CSMD1: variants seen among roughly 807,000 people sequenced by gnomAD.
CSMD1 encodes CUB and Sushi multiple domains 1.
A neutral mutation model predicts 417.5 loss-of-function variants in CSMD1; 213 were observed. That is an observed-to-expected ratio of 0.51 (90% confidence interval 0.46 to 0.57). CSMD1 has a LOEUF of 0.57. Among genes scored for constraint, CSMD1 ranks in the 20% least tolerant of loss-of-function variants. The pLI is 0.00. For missense variants in CSMD1, 6,923 were observed against 4,529.7 expected (o/e 1.53, Z -15.17); for synonymous variants, 2,862 against 1,736.8 (o/e 1.65, Z -16.11).
At chr8:4,399,828 C>G (rs1182121390) in intron 3 of CSMD1, among the ~76,000 whole-genome samples, 3 of 152,162 alleles carry the variant, frequency 2.0e-5, no homozygotes, top group Admixed American at 6.5e-5. Flanking sequence ...AATAAGTTTT[C>G]TAAGCCATTA....
At chr8:4,481,202 G>T (rs910750349) in intron 2 of CSMD1, among the ~76,000 whole-genome samples, 8 of 152,194 alleles carry the variant, frequency 5.3e-5, no homozygotes, top group Non-Finnish European at 1.2e-4. Context: ...TGCTTGTTTA[G>T]CTTTACCTTC....
intron 2 of CSMD1, among the ~76,000 whole-genome samples, chr8:4,609,136 A>G (rs958231527): frequency 6.6e-6 from 1 of 152,208 alleles, no homozygotes; most frequent in East Asian, 1.9e-4. Flanking sequence ...GCGCTGGCTC[A>G]TGCATGTAAT....
At chr8:3,512,480 A>T (rs1333630363) in intron 10 of CSMD1, among the ~76,000 whole-genome samples, 2 of 152,086 alleles carry the variant, frequency 1.3e-5, no homozygotes, top group African/African-American at 4.8e-5. Context: ...GGATGCTGTA[A>T]GAGGCACTGA....
At chr8:3,328,453 C>A (rs147387964) in intron 23 of CSMD1, among the ~76,000 whole-genome samples, 5 of 152,272 alleles carry the variant, frequency 3.3e-5, no homozygotes, top group African/African-American at 9.6e-5. Context: ...GCACAGAATA[C>A]CTTACAAAAT....
chr8:3,505,146 C>T (rs1296553347), intron 10 of CSMD1, among the ~76,000 whole-genome samples: 1 of 152,002 alleles, frequency 6.6e-6, no homozygotes, highest in Non-Finnish European at 1.5e-5. Flanking sequence ...TTGAAATCTG[C>T]CCTCAGATGT....
chr8:3,581,762 G>C (rs780093127), intron 9 of CSMD1, among the ~76,000 whole-genome samples: 20 of 152,154 alleles, frequency 1.3e-4, no homozygotes, highest in Admixed American at 2.6e-4. Context: ...TAGAGGCTAA[G>C]AATGAATCAG....
intron 3 of CSMD1, among the ~76,000 whole-genome samples, chr8:4,119,493 C>A (rs2130937299): frequency 6.6e-6 from 1 of 152,288 alleles, no homozygotes; most frequent in Middle Eastern, 3.4e-3. Context: ...ACTCGTAATC[C>A]TCAATGTCCT....
chr8:3,642,601 C>T (rs1456668971), intron 7 of CSMD1, among the ~76,000 whole-genome samples: 2 of 152,060 alleles, frequency 1.3e-5, no homozygotes, highest in African/African-American at 2.4e-5. Context: ...ACAAACCAAA[C>T]GAGAAAACCT....
intron 43 of CSMD1, among the ~76,000 whole-genome samples, chr8:3,109,749 G>A (rs970341022): frequency 3.3e-5 from 5 of 149,700 alleles, no homozygotes; most frequent in Non-Finnish European, 7.4e-5. Flanking sequence ...CACACAACAC[G>A]CACACACACA....
chr8:4,819,808 G>T (rs907072138), intron 1 of CSMD1, among the ~76,000 whole-genome samples: 1 of 152,042 alleles, frequency 6.6e-6, no homozygotes, highest in Non-Finnish European at 1.5e-5. Context: ...GGGCTGTTTG[G>T]GTGTGGAGGT....
At chr8:4,828,920 G>C (rs1235130968) in intron 1 of CSMD1, among the ~76,000 whole-genome samples, 1 of 152,020 alleles carries the variant, frequency 6.6e-6, no homozygotes, top group African/African-American at 2.4e-5. Context: ...TGTTCATAAA[G>C]GTTAATTAAC....
chr8:3,134,822 A>G (rs534078065), intron 41 of CSMD1, among the ~76,000 whole-genome samples: 1 of 152,060 alleles, frequency 6.6e-6, no homozygotes, highest in African/African-American at 2.4e-5. Context: ...TCTGAGCCTC[A>G]TTTTTCTTAT....
At chr8:4,254,310 C>T (rs1042870235) in intron 3 of CSMD1, among the ~76,000 whole-genome samples, 5 of 152,030 alleles carry the variant, frequency 3.3e-5, no homozygotes, top group African/African-American at 4.8e-5. Flanking sequence ...ATCAGGAATT[C>T]GATTATTGAT....
At chr8:4,525,638 AT>A (rs1474452462) in intron 2 of CSMD1, among the ~76,000 whole-genome samples, 1 of 152,104 alleles carries the variant, frequency 6.6e-6, no homozygotes, top group East Asian at 1.9e-4. Flanking sequence ...GGTTTTTGTC[AT>A]TACTTTTAAA....
At chr8:3,892,377 G>A (rs952685009) in intron 5 of CSMD1, among the ~76,000 whole-genome samples, 30 of 152,072 alleles carry the variant, frequency 2.0e-4, no homozygotes, top group African/African-American at 6.8e-4. Context: ...TGCTTTCTAT[G>A]TGTTATCCTT....
Position 4,888,476 on chromosome 8 carries a change from C to T in CSMD1, c.85+105856G>A, listed in dbSNP as rs1191669887. 2.6e-5 allele frequency among the ~76,000 whole-genome samples: 4 copies of T among 151,282 alleles called. No individual in the cohort carries two copies. The East Asian group carries it at 7.7e-4, about 29-fold the overall frequency. On this transcript the variant is annotated intron_variant, in intron 1 of 69. Coordinates refer to ENST00000635120, the MANE Select transcript of CSMD1 (RefSeq NM_033225.6). ...TGTTTTGCACGTATAGGTGTGTGAG[C>T]ACACATACAGAAGGATAGACTGATA...
intron 1 of CSMD1, among the ~76,000 whole-genome samples, chr8:4,796,308 T>G: frequency 6.6e-6 from 1 of 151,964 alleles, no homozygotes; most frequent in East Asian, 2.0e-4. Flanking sequence ...TCCATGGAGA[T>G]GAGATGACAA....
chr8:3,694,857 T>A (rs1365033142), intron 7 of CSMD1, among the ~76,000 whole-genome samples: 1 of 151,858 alleles, frequency 6.6e-6, no homozygotes, highest in Non-Finnish European at 1.5e-5. Flanking sequence ...CAATACCGGA[T>A]CCTAAAGACC....
At chr8:4,119,270 A>G (rs909228861) in intron 3 of CSMD1, among the ~76,000 whole-genome samples, 2 of 152,196 alleles carry the variant, frequency 1.3e-5, no homozygotes, top group African/African-American at 4.8e-5. Context: ...AAAAAAAAAT[A>G]GAAACAAATG....
Sources: gnomAD v4.1 joint callset for allele counts (sites outside exome capture counted in the v4.1 genomes callset) on GRCh38, gnomAD v4.1.1 for gene constraint, MANE v1.5 for transcripts, NCBI Gene and HGNC (gene_info 2026-07-23, HGNC 2026-07-21) for gene names.